Variants in PCDHGA2 observed in about 807,000 individuals in gnomAD.
The protein encoded by PCDHGA2 is protocadherin gamma subfamily A, 2.
In PCDHGA2, 40 loss-of-function variants were observed where a neutral mutation model predicts 59.2. The observed-to-expected ratio is 0.68, with a 90% CI of 0.52 to 0.88. PCDHGA2 has a LOEUF of 0.88. Among genes scored for constraint, PCDHGA2 ranks in the 40% least tolerant of loss-of-function variants. The pLI, the probability that PCDHGA2 is intolerant of heterozygous loss-of-function variation, is 0.00. For missense variants in PCDHGA2, 1,226 were observed against 1,204.0 expected, an observed-to-expected ratio of 1.02 and a Z score of -0.27; for synonymous variants, 560 against 526.0, an observed-to-expected ratio of 1.06 and a Z score of -0.89.
intron 1 of PCDHGA2, chr5:141,492,006 G>T (rs2099736069): frequency 7.8e-6 from 5 of 643,420 alleles, no homozygotes; most frequent in Non-Finnish European, 1.3e-5. Context: ...GGCGATTTCC[G>T]CGGGTGTCGG....
At chr5:141,413,330 T>C (rs770842309) in intron 1 of PCDHGA2, 1 of 1,613,930 alleles carries the variant, frequency 6.2e-7, no homozygotes. Context: ...GTGGGCAACA[T>C]CTCCAAGGAC....
chr5:141,422,543 T>C lies in PCDHGA2; in HGVS notation c.2425-72264T>C, dbSNP rs2096655736. 1 of 1,613,882 alleles carries C rather than the reference T, an allele frequency of 6.2e-7. No homozygotes were observed. Among genetic ancestry groups the C allele is most frequent in the African/African-American group, 1.3e-5 (1 of 74,928 alleles). Reference sequence around the variant, plus strand: ...CCGCCTTTGTCTGCAGAAACTCATGTCTGGCTGAATGTGGCAGATGACAAC... The same window carrying C: ...CCGCCTTTGTCTGCAGAAACTCATGCCTGGCTGAATGTGGCAGATGACAAC... On this transcript the variant is annotated intron_variant, in intron 1 of 3. Coordinates refer to ENST00000394576, the MANE Select transcript of PCDHGA2 (RefSeq NM_018915.4).
intron 1 of PCDHGA2, chr5:141,430,826 CT>C (rs765096486): frequency 1.3e-6 from 2 of 1,550,416 alleles, no homozygotes; most frequent in East Asian, 2.2e-5. Flanking sequence ...CCTGGGGACT[CT>C]GTGGGAGACC....
At chr5:141,427,355 C>T (rs765449381) in intron 1 of PCDHGA2, 2 of 457,430 alleles carry the variant, frequency 4.4e-6, no homozygotes, top group African/African-American at 2.0e-5. Flanking sequence ...TAACTGAGGA[C>T]GCAGAACCCT....
chr5:141,346,390 A>G (rs1561492297), intron 1 of PCDHGA2: 2 of 1,614,280 alleles, frequency 1.2e-6, no homozygotes, highest in Non-Finnish European at 1.7e-6. Flanking sequence ...GAGAGCTGTG[A>G]GAAAAGCGAG....
intron 1 of PCDHGA2, chr5:141,377,698 A>G (rs1274163537): frequency 6.6e-6 from 1 of 152,230 alleles, no homozygotes; most frequent in Non-Finnish European, 1.5e-5. Context: ...TTTACTACTT[A>G]GGAATCAAAA....
intron 1 of PCDHGA2, chr5:141,421,791 TG>T (rs1561796446): frequency 6.2e-7 from 1 of 1,613,792 alleles, no homozygotes; most frequent in Non-Finnish European, 8.5e-7. Flanking sequence ...GCAGAACGGA[TG>T]GGGCCAAGAA....
intron 1 of PCDHGA2, chr5:141,400,212 C>A (rs773459521): frequency 6.2e-7 from 1 of 1,614,058 alleles, no homozygotes; most frequent in East Asian, 2.2e-5. Context: ...TGGCCTTGAT[C>A]TCAGTGCTCT....
At chr5:141,382,207 A>G (rs1042631528) in intron 1 of PCDHGA2, among the ~76,000 whole-genome samples, 1 of 152,206 alleles carries the variant, frequency 6.6e-6, no homozygotes, top group Admixed American at 6.5e-5. Context: ...ATTTATTAAA[A>G]TAGGTCTATA....
chr5:141,485,899 C>A lies in PCDHGA2; in HGVS notation c.2425-8908C>A, dbSNP rs775312856. 12 of 1,614,166 alleles carry A rather than the reference C, an allele frequency of 7.4e-6. No individual in the cohort carries two copies. The highest frequency in any genetic ancestry group is 8.5e-6 in the Non-Finnish European group (10 of 1,180,032). On this transcript the variant is annotated intron_variant, in intron 1 of 3. Coordinates refer to ENST00000394576, the MANE Select transcript of PCDHGA2 (RefSeq NM_018915.4). The surrounding 1 kb of genome is among the most constrained non-coding windows in gnomAD (Gnocchi z 5.7). ...ACGTAAACGACAACGCCCCAGCCTT[C>A]CAGCAATCCAGCTACAGGATTAGTG...
At chr5:141,419,405 G>T (rs1219399978) in intron 1 of PCDHGA2, 1 of 1,613,512 alleles carries the variant, frequency 6.2e-7, no homozygotes, top group South Asian at 1.1e-5. Context: ...GGTGGTGTTC[G>T]CGCAGCGCGC....
chr5:141,401,320 C>A (rs1420214369), intron 1 of PCDHGA2, among the ~76,000 whole-genome samples: 1 of 151,626 alleles, frequency 6.6e-6, no homozygotes, highest in East Asian at 1.9e-4. Flanking sequence ...CCAGCCTGGG[C>A]AACAAGAGCA....
In PCDHGA2 at chr5:141,432,287, G is replaced by A. The variant is rs189131107; in HGVS notation, c.2425-62520G>A. On this transcript the variant is annotated intron_variant, in intron 1 of 3. Transcript: ENST00000394576. This position sits in a 1 kb window ranked among gnomAD's most constrained non-coding sequence, Gnocchi z 6.0. ...ATCGTCCTACGTGTCCATCAACTCC[G>A]ACACTGGGGTACTGTATGCGCTGAG... The A allele has an allele frequency of 2.3e-4, 365 of 1,614,216 alleles. 2 individuals carry two copies. In the East Asian group the frequency reaches 6.5e-3, roughly 29 times the overall value.
At chr5:141,426,116 G>A (rs1324245739) in intron 1 of PCDHGA2, among the ~76,000 whole-genome samples, 3 of 152,232 alleles carry the variant, frequency 2.0e-5, no homozygotes, top group African/African-American at 7.2e-5. Context: ...AAGCAAGTCG[G>A]AGAGTGGCCA....
intron 1 of PCDHGA2, chr5:141,371,239 T>C (rs1319098085): frequency 6.2e-7 from 1 of 1,614,010 alleles, no homozygotes. Flanking sequence ...TATGCCTTCA[T>C]CAATATTGGC....
intron 1 of PCDHGA2, 199 bp downstream of exon 1, chr5:141,341,594 G>T: frequency 1.9e-6 from 2 of 1,073,926 alleles, no homozygotes; most frequent in East Asian, 2.6e-5. Flanking sequence ...GAATCTTTGT[G>T]CAATGAATGT....
chr5:141,491,666 G>T lies in PCDHGA2; in HGVS notation c.2425-3141G>T, dbSNP rs373526771. Reference sequence around the variant, plus strand: ...CTGGCGCTGGAGCCTGACGCCATCCGGTCCCGCTCTAATACGCTGCGGGAG... The same window carrying T: ...CTGGCGCTGGAGCCTGACGCCATCCTGTCCCGCTCTAATACGCTGCGGGAG... On this transcript the variant is annotated intron_variant, in intron 1 of 3. Transcript: ENST00000394576. This position sits in a 1 kb window ranked among gnomAD's most constrained non-coding sequence, Gnocchi z 6.9. 1.2e-6 allele frequency: 2 copies of T among 1,613,732 alleles called. No homozygotes were observed. Among genetic ancestry groups the T allele is most frequent in the Non-Finnish European group, 1.7e-6 (2 of 1,180,008 alleles).
intron 2 of PCDHGA2, among the ~76,000 whole-genome samples, chr5:141,497,213 G>A (rs1313220474): frequency 6.6e-6 from 1 of 152,126 alleles, no homozygotes; most frequent in Non-Finnish European, 1.5e-5. Flanking sequence ...GTGTAATGGG[G>A]GGGGGAAGAT....
chr5:141,446,917 C>G (rs979679080), intron 1 of PCDHGA2, among the ~76,000 whole-genome samples: 1 of 152,108 alleles, frequency 6.6e-6, no homozygotes, highest in South Asian at 2.1e-4. Flanking sequence ...TTTTATTTAT[C>G]TTCCTGATCT....
Sources: gnomAD v4.1 joint callset for allele counts (sites outside exome capture counted in the v4.1 genomes callset) on GRCh38, gnomAD v4.1.1 for gene constraint, Gnocchi (gnomAD v3.1) non-coding constraint, MANE v1.5 for transcripts, NCBI Gene and HGNC (gene_info 2026-07-23, HGNC 2026-07-21) for gene names.